The following KAZN variants were observed in gnomAD, a reference collection of about 807,000 sequenced individuals.
The protein encoded by KAZN is kazrin, periplakin interacting protein.
In KAZN, 40 loss-of-function variants were observed where a neutral mutation model predicts 87.4. The observed-to-expected ratio is 0.46, with a 90% confidence interval of 0.36 to 0.60. KAZN has a LOEUF of 0.60. Ranked by LOEUF, KAZN falls within the 20% of genes least tolerant of loss-of-function variation. The probability of loss-of-function intolerance (pLI) is 0.00; values close to 1 mark genes in which losing one functional copy is unlikely to be tolerated. For synonymous variants in KAZN, 466 were observed against 458.3 expected (o/e 1.02, Z -0.22); for missense variants, 898 against 1,073.9 (o/e 0.84, Z 2.29).
intron 1 of KAZN, among the ~76,000 whole-genome samples, chr1:14,677,208 T>A (rs80105976): frequency 2.6e-5 from 4 of 152,174 alleles, no homozygotes; most frequent in African/African-American, 9.6e-5. Context: ...TACAGGGCTA[T>A]TAAGGGGCTG....
chr1:13,991,231 A>C (rs1639271400), intron 1 of KAZN, among the ~76,000 whole-genome samples: 1 of 152,016 alleles, frequency 6.6e-6, no homozygotes, highest in Non-Finnish European at 1.5e-5. Context: ...CAAGCTACCA[A>C]CATGCCCTTA....
chr1:13,969,481 G>A (rs553330257), intron 1 of KAZN, among the ~76,000 whole-genome samples: 2 of 152,132 alleles, frequency 1.3e-5, no homozygotes, highest in Non-Finnish European at 2.9e-5. Flanking sequence ...CAAACCACTG[G>A]AAGCTAAGTG....
At chr1:14,290,959 G>T (rs1379088459) in intron 2 of KAZN, among the ~76,000 whole-genome samples, 1 of 152,186 alleles carries the variant, frequency 6.6e-6, no homozygotes, top group Non-Finnish European at 1.5e-5. Context: ...GTCTGTTGGA[G>T]TTTGCTGGAG....
At chr1:14,931,325 TC>T (rs1557633081) in intron 1 of KAZN, among the ~76,000 whole-genome samples, 2 of 151,678 alleles carry the variant, frequency 1.3e-5, no homozygotes, top group South Asian at 2.1e-4. Context: ...ATGCCTGTAG[TC>T]CCAGCTACTC....
intron 3 of KAZN, among the ~76,000 whole-genome samples, chr1:15,039,819 C>T (rs1360152752): frequency 6.6e-6 from 1 of 152,164 alleles, no homozygotes; most frequent in African/African-American, 2.4e-5. Context: ...GTGGGGTTGA[C>T]GCTACTCAAT....
intron 1 of KAZN, among the ~76,000 whole-genome samples, chr1:14,886,437 TAC>T (rs34119523): frequency 0.45 from 66,563 of 146,856 alleles, 15,815 homozygotes; most frequent in Non-Finnish European, 0.55. Flanking sequence ...CACACACACA[TAC>T]ACACACACAC....
intron 2 of KAZN, among the ~76,000 whole-genome samples, chr1:14,319,779 T>G (rs531930284): frequency 3.5e-4 from 53 of 152,306 alleles, no homozygotes; most frequent in African/African-American, 1.2e-3. Context: ...TTGTTTTATA[T>G]ATTTCATCCA....
In KAZN at chr1:15,094,445, C is replaced by G; in HGVS notation, c.1428+60C>G. The G allele has an allele frequency of 6.7e-7, 1 of 1,485,680 alleles. No homozygotes were observed. The highest frequency in any genetic ancestry group is 9.2e-7 in the Non-Finnish European group (1 of 1,090,620). 92.0% of individuals were successfully genotyped at this position (1,485,680 alleles called of 1,614,324 possible). A position where few individuals can be genotyped will look rare whatever the true frequency, so the allele number is the denominator to read the frequency against. Reference sequence around the variant, plus strand: ...CATGCCCTCTGTGAGCTTTACGTACCCAGAAGCTGGCCTGCCCCCCACTCC... The same window carrying G: ...CATGCCCTCTGTGAGCTTTACGTACGCAGAAGCTGGCCTGCCCCCCACTCC... On this transcript the variant is annotated intron_variant, in intron 9 of 14. Transcript: ENST00000376030. The surrounding 1 kb of genome is among the most constrained non-coding windows in gnomAD (Gnocchi z 4.5).
chr1:13,907,864 CCT>C (rs1171618181), intron 1 of KAZN, among the ~76,000 whole-genome samples: 2 of 152,090 alleles, frequency 1.3e-5, no homozygotes, highest in Admixed American at 1.3e-4. Context: ...TTCTTGTGCC[CCT>C]GTTGGGTGAG....
At chr1:14,560,579 AAAT>A (rs1557801095) in intron 2 of KAZN, among the ~76,000 whole-genome samples, 1 of 152,164 alleles carries the variant, frequency 6.6e-6, no homozygotes, top group Non-Finnish European at 1.5e-5. Context: ...CTCCATCTCA[AAAT>A]AATAATAATA....
intron 1 of KAZN, among the ~76,000 whole-genome samples, chr1:14,155,620 A>G (rs1181463755): frequency 6.6e-6 from 1 of 151,550 alleles, no homozygotes; most frequent in African/African-American, 2.4e-5. Flanking sequence ...ATGCACTGTT[A>G]AGTTTATTTG....
chr1:14,907,236 A>G (rs1656693970), intron 1 of KAZN, among the ~76,000 whole-genome samples: 1 of 151,518 alleles, frequency 6.6e-6, no homozygotes, highest in Admixed American at 6.6e-5. Flanking sequence ...TCTCTACCAA[A>G]AAAAATACAA....
intron 1 of KAZN, chr1:14,692,039 A>G: frequency 4.7e-6 from 1 of 210,828 alleles, no homozygotes. Flanking sequence ...CTGAACACAC[A>G]GTAGTGGTAA....
intron 1 of KAZN, among the ~76,000 whole-genome samples, chr1:14,886,067 G>C (rs748129456): frequency 2.4e-4 from 37 of 152,114 alleles, no homozygotes; most frequent in African/African-American, 8.7e-4. Flanking sequence ...AAAGTCTCCA[G>C]ATATTCCCAA....
chr1:14,993,590 G>C (rs1354965004), intron 2 of KAZN, among the ~76,000 whole-genome samples: 1 of 152,152 alleles, frequency 6.6e-6, no homozygotes, highest in East Asian at 1.9e-4. Flanking sequence ...TTCTCGGCCT[G>C]CACTCTCCCC....
At chr1:14,299,841 C>G (rs1199056554) in intron 2 of KAZN, among the ~76,000 whole-genome samples, 2 of 152,132 alleles carry the variant, frequency 1.3e-5, no homozygotes, top group African/African-American at 2.4e-5. Flanking sequence ...ATGGCCAAGC[C>G]CAAAGTCAGC....
chr1:14,202,281 T>C (rs1211875283), intron 2 of KAZN, among the ~76,000 whole-genome samples: 1 of 152,198 alleles, frequency 6.6e-6, no homozygotes, highest in Non-Finnish European at 1.5e-5. Context: ...CACACGTGCG[T>C]TCTGCTACAG....
At chr1:14,750,112 C>T (rs1352961638) in intron 1 of KAZN, among the ~76,000 whole-genome samples, 2 of 152,060 alleles carry the variant, frequency 1.3e-5, no homozygotes, top group African/African-American at 2.4e-5. Context: ...AAGATGCGGC[C>T]ATTGTGAGAA....
intron 1 of KAZN, among the ~76,000 whole-genome samples, chr1:14,034,860 T>G (rs192411422): frequency 4.6e-5 from 7 of 152,108 alleles, no homozygotes; most frequent in African/African-American, 1.7e-4. Flanking sequence ...CGGTAAAGAC[T>G]GGTGGGAAGT....
Sources: gnomAD v4.1 joint callset for allele counts (sites outside exome capture counted in the v4.1 genomes callset) on GRCh38, gnomAD v4.1.1 for gene constraint, Gnocchi (gnomAD v3.1) non-coding constraint, MANE v1.5 for transcripts, NCBI Gene and HGNC (gene_info 2026-07-23, HGNC 2026-07-21) for gene names.